SASH1: variants seen among roughly 807,000 people sequenced by gnomAD.
SASH1 encodes SAM and SH3 domain-containing protein 1.
Under a neutral mutation model 125.2 loss-of-function variants are expected in SASH1, and 44 were observed. That is an observed-to-expected ratio of 0.35 (90% CI 0.28 to 0.45). The LOEUF (loss-of-function observed/expected upper bound fraction) is 0.45. Ranked by LOEUF, SASH1 falls within the 20% of genes least tolerant of loss-of-function variation. The pLI, the probability that SASH1 is intolerant of heterozygous loss-of-function variation, is 1.00. For missense variants in SASH1, 1,426 were observed against 1,614.5 expected, an observed-to-expected ratio of 0.88 and a Z score of 2.00; for synonymous variants, 639 against 649.1, an observed-to-expected ratio of 0.98 and a Z score of 0.24.
intron 2 of SASH1, among the ~76,000 whole-genome samples, chr6:148,412,307 A>T (rs1784660312): frequency 6.6e-6 from 1 of 152,166 alleles, no homozygotes; most frequent in Non-Finnish European, 1.5e-5. Flanking sequence ...ATCTCATTCT[A>T]TTCCTGGTAA....
chr6:148,302,762 C>CTGTG (rs146784413), intron 1 of SASH1, among the ~76,000 whole-genome samples: 1 of 136,546 alleles, frequency 7.3e-6, no homozygotes, highest in Non-Finnish European at 1.6e-5. Context: ...TATTTATATA[C>CTGTG]TGTGTGTGTG....
At chr6:148,383,163 AT>A (rs1340678790) in intron 1 of SASH1, among the ~76,000 whole-genome samples, 1 of 152,194 alleles carries the variant, frequency 6.6e-6, no homozygotes, top group Non-Finnish European at 1.5e-5. Flanking sequence ...AATTAAAGAC[AT>A]TTTTATGGTT....
At chr6:148,351,625 T>C (rs1216426366) in intron 1 of SASH1, among the ~76,000 whole-genome samples, 1 of 146,894 alleles carries the variant, frequency 6.8e-6, no homozygotes, top group Non-Finnish European at 1.5e-5. Context: ...TCTTGGGATA[T>C]GCCCTGAGCC....
the SASH1 span, among the ~76,000 whole-genome samples, chr6:148,210,485 A>G: frequency 6.6e-6 from 1 of 152,218 alleles, no homozygotes; most frequent in South Asian, 2.1e-4. Flanking sequence ...GTGAGCCAAG[A>G]TCGCGCCATT....
intron 10 of SASH1, 23 bp from the exon 11 acceptor site, chr6:148,525,268 C>T: frequency 1.2e-6 from 2 of 1,609,190 alleles, no homozygotes; most frequent in Non-Finnish European, 1.7e-6. Context: ...TGAAGTTTTT[C>T]TGCCCTACCC....
chr6:148,376,987 G>A (rs1235354120), intron 1 of SASH1, among the ~76,000 whole-genome samples: 1 of 150,766 alleles, frequency 6.6e-6, no homozygotes, highest in Non-Finnish European at 1.5e-5. Flanking sequence ...CGGCTAAAAC[G>A]GTGAAACCCC....
At chr6:148,542,731 T>G (rs1782296263) in intron 17 of SASH1, among the ~76,000 whole-genome samples, 1 of 152,242 alleles carries the variant, frequency 6.6e-6, no homozygotes, top group African/African-American at 2.4e-5. Flanking sequence ...GATCTTTATG[T>G]AACAACAATA....
At chr6:148,494,239 T>C (rs1472570566) in intron 8 of SASH1, among the ~76,000 whole-genome samples, 1 of 152,196 alleles carries the variant, frequency 6.6e-6, no homozygotes, top group African/African-American at 2.4e-5. Context: ...TTTAAGAATA[T>C]ATATAATGTA....
At chr6:148,257,145 C>T in the SASH1 span, among the ~76,000 whole-genome samples, 1 of 152,096 alleles carries the variant, frequency 6.6e-6, no homozygotes, top group Non-Finnish European at 1.5e-5. Flanking sequence ...TGAGAGGTAG[C>T]AGGATTCTAT....
At chr6:148,272,422 C>G (rs186575150) in intron 1 of SASH1, 1 of 468,790 alleles carries the variant, frequency 2.1e-6, no homozygotes, top group Middle Eastern at 3.3e-4. Context: ...GTTTTTGGTG[C>G]CTTCTGACAT....
chr6:148,308,486 C>G (rs1026592535), intron 1 of SASH1, among the ~76,000 whole-genome samples: 5 of 151,012 alleles, frequency 3.3e-5, no homozygotes, highest in Non-Finnish European at 7.4e-5. Flanking sequence ...ACCTCCGCTT[C>G]CCAGGTTCAA....
In SASH1 at chr6:148,440,404, G is replaced by A. The variant is rs1776496045; in HGVS notation, c.383G>A (p.Arg128Lys). The change falls in exon 4 of 20, where the codon AGA becomes AAA. Residue 128 changes from arginine to lysine, a missense_variant. By Grantham distance (26) the Arg-to-Lys change is conservative. Transcript: ENST00000367467. The part of the protein sequence containing the change: ...CSAVSTPEVE[R>K]KNPLHKSNSE... ...GCCGTGTCAACCCCAGAAGTGGAAA[G>A]AAAGTAAGTCTTTCTCCCTCTGCCC... 1.9e-6 allele frequency: 3 copies of A among 1,613,790 alleles called. No homozygotes were observed. Among genetic ancestry groups the A allele is most frequent in the Non-Finnish European group, 2.5e-6 (3 of 1,179,794 alleles).
At position 148,532,770 on chromosome 6, in the gene SASH1, C is replaced by T. The variant is rs781218834; in HGVS notation, c.1565-27C>T. ...GCTGGGTGGGAAATCTGGATCTACC[C>T]GTGTTCTTCCTATGTTTCCTGTACA... On this transcript the variant is annotated intron_variant, in intron 13 of 19. Coordinates refer to ENST00000367467, the MANE Select transcript of SASH1 (RefSeq NM_015278.5). The surrounding 1 kb of genome is among the most constrained non-coding windows in gnomAD (Gnocchi z 4.7). The T allele has an allele frequency of 2.9e-5, 47 of 1,612,196 alleles. No homozygotes were observed. The highest frequency in any genetic ancestry group is 5.3e-5 in the African/African-American group (4 of 74,902).
chr6:148,513,026 CAA>C (rs1198730864), intron 8 of SASH1: 1 of 985,198 alleles, frequency 1.0e-6, no homozygotes, highest in Non-Finnish European at 1.2e-6. Context: ...TGCCATAGTG[CAA>C]AGAGGACTCA....
intron 18 of SASH1, among the ~76,000 whole-genome samples, chr6:148,545,724 A>G (rs770285961): frequency 1.3e-5 from 2 of 152,252 alleles, no homozygotes; most frequent in African/African-American, 2.4e-5. Flanking sequence ...TAAAGATGTA[A>G]AAGTATTCCC....
At chr6:148,483,555 G>C (rs1778718831) in intron 7 of SASH1, among the ~76,000 whole-genome samples, 1 of 152,186 alleles carries the variant, frequency 6.6e-6, no homozygotes, top group African/African-American at 2.4e-5. Context: ...GATTTCAGGA[G>C]GAGTCTAGCC....
chr6:148,268,471 T>C (rs1426299193), upstream of SASH1, among the ~76,000 whole-genome samples: 1 of 151,980 alleles, frequency 6.6e-6, no homozygotes, highest in African/African-American at 2.4e-5. Context: ...CAAGAAAAAA[T>C]GTAATCAACT....
rs903314692 is a variant in SASH1, at chr6:148,534,053, G to A, written c.1944+73G>A. ...TTCTCTCCTACACTAAGCAAGTGAG[G>A]GCATTTTTAGGGTAGGGTTGGGGCT... On this transcript the variant is annotated intron_variant, in intron 15 of 19. Coordinates refer to ENST00000367467, the MANE Select transcript of SASH1 (RefSeq NM_015278.5). 40 of 1,377,910 alleles carry A rather than the reference G, an allele frequency of 2.9e-5. No homozygotes were observed. The East Asian group carries it at 8.8e-4, about 30-fold the overall frequency. The allele number at this position is 1,377,910 out of a possible 1,614,324, so 85.4% of individuals were successfully genotyped here. A position where few individuals can be genotyped will look rare whatever the true frequency, so the allele number is the denominator to read the frequency against.
At chr6:148,546,216 A>G (rs1782558967) in intron 19 of SASH1, 70 bp downstream of exon 19, 1 of 1,544,930 alleles carries the variant, frequency 6.5e-7, no homozygotes. Flanking sequence ...GACCATACTA[A>G]CAACTGCCAA....
Sources: gnomAD v4.1 joint callset for allele counts (sites outside exome capture counted in the v4.1 genomes callset) on GRCh38, gnomAD v4.1.1 for gene constraint, Gnocchi (gnomAD v3.1) non-coding constraint, MANE v1.5 for transcripts, NCBI Gene and HGNC (gene_info 2026-07-23, HGNC 2026-07-21) for gene names.